Variants in AP1AR observed in about 807,000 individuals in gnomAD.
The protein encoded by AP1AR is adaptor related protein complex 1 associated regulatory protein, also known as AP-1 complex-associated regulatory protein.
Under a neutral mutation model 46.3 loss-of-function variants are expected in AP1AR, and 29 were observed. The observed-to-expected ratio is 0.63, with a 90% CI of 0.47 to 0.85. The LOEUF is 0.85. AP1AR is among the 40% of genes least tolerant of loss of function. The pLI, the probability that AP1AR is intolerant of heterozygous loss-of-function variation, is 0.00. For synonymous variants in AP1AR, 122 were observed against 122.9 expected, an observed-to-expected ratio of 0.99 and a Z score of 0.05; for missense variants, 357 against 356.3, an observed-to-expected ratio of 1.00 and a Z score of -0.02.
intron 8 of AP1AR, 97 bp downstream of exon 8, chr4:112,265,904 AAATTTGTAATTC>A: frequency 1.4e-6 from 1 of 732,100 alleles, no homozygotes; most frequent in South Asian, 2.0e-5. Flanking sequence ...TTCTGTTCTT[AAATTTGTAATTC>A]CCAGATAGGT....
chr4:112,266,784 C>A, intron 9 of AP1AR, 68 bp downstream of exon 9: 1 of 1,407,022 alleles, frequency 7.1e-7, no homozygotes, highest in Non-Finnish European at 9.5e-7. Flanking sequence ...GTAAATCTAC[C>A]TTGGTCTTTA....
In AP1AR at chr4:112,271,996, C is replaced by T. The variant is rs1018016767; in HGVS notation, c.*3587C>T. ...AACCAGAGAATAGTGTCACAGGAGC[C>T]AGGAAATAAGAGGGCTCAACAATAG... On this transcript the variant is annotated 3_prime_UTR_variant, in exon 10 of 10. Coordinates refer to ENST00000274000, the MANE Select transcript of AP1AR (RefSeq NM_018569.6). 6.6e-6 allele frequency among the ~76,000 whole-genome samples: 1 copy of T among 152,042 alleles called. No individual in the cohort carries two copies. The highest frequency in any genetic ancestry group is 6.6e-5 in the Admixed American group (1 of 15,258).
At chr4:112,264,081 T>C (rs1207681301) in intron 6 of AP1AR, among the ~76,000 whole-genome samples, 2 of 152,202 alleles carry the variant, frequency 1.3e-5, no homozygotes, top group Non-Finnish European at 2.9e-5. Flanking sequence ...CCTTCATTTT[T>C]TTCCCTCTCT....
intron 1 of AP1AR, among the ~76,000 whole-genome samples, chr4:112,252,018 G>T (rs1228400485): frequency 6.6e-6 from 1 of 152,094 alleles, no homozygotes; most frequent in East Asian, 1.9e-4. Context: ...GGGAGTCCCA[G>T]AATTACTTGA....
rs566256100 is a variant in AP1AR, at chr4:112,266,391, CA to C, written c.515-188del. Among the ~76,000 whole-genome samples the C allele has an allele frequency of 1.4e-3, 200 of 146,928 alleles. 1 individual carries two copies. The highest frequency in any genetic ancestry group is 4.8e-3 in the African/African-American group (192 of 40,136). On this transcript the variant is annotated intron_variant, in intron 8 of 9. Transcript: ENST00000274000. The stretch of plus-strand genomic sequence containing the variant: ...TTGCATGTTTGCTATGCTTAGATGG[CA>C]AAAAAAAAGAGAGAAAAGTTTCTTT...
chr4:112,244,737 A>G (rs1004001150), intron 1 of AP1AR, among the ~76,000 whole-genome samples: 2 of 152,014 alleles, frequency 1.3e-5, no homozygotes, highest in East Asian at 3.9e-4. Flanking sequence ...TACTCTTGCC[A>G]TTTTCTGTTG....
At chr4:112,259,678 A>G (rs1241420252) in intron 4 of AP1AR, among the ~76,000 whole-genome samples, 1 of 152,182 alleles carries the variant, frequency 6.6e-6, no homozygotes, top group Non-Finnish European at 1.5e-5. Context: ...GTGCAAACAG[A>G]CAAAAGGAAT....
rs1726874333 is a variant in AP1AR, at chr4:112,269,755, T to A, written c.*1346T>A. ...ATCTCCTTTTTTATGTCATAGAAAT[T>A]AATATGATACTTTAAATATGTAAAT... On this transcript the variant is annotated 3_prime_UTR_variant, in exon 10 of 10. Coordinates refer to ENST00000274000, the MANE Select transcript of AP1AR (RefSeq NM_018569.6). The A allele has an allele frequency of 6.6e-6, 1 of 152,456 alleles. No individual in the cohort carries two copies. The highest frequency in any genetic ancestry group is 1.5e-5 in the Non-Finnish European group (1 of 67,926). The allele number at this position is 152,456 out of a possible 1,614,324, so 9.4% of individuals were successfully genotyped here. A position where few individuals can be genotyped will look rare whatever the true frequency, so the allele number is the denominator to read the frequency against.
chr4:112,242,458 A>G (rs1281186441), intron 1 of AP1AR, among the ~76,000 whole-genome samples: 1 of 149,490 alleles, frequency 6.7e-6, no homozygotes, highest in Admixed American at 6.6e-5. Flanking sequence ...AAAAGAAAAA[A>G]AAAGCTTACT....
At chr4:112,261,106 A>T (rs1726423198) in intron 5 of AP1AR, among the ~76,000 whole-genome samples, 1 of 152,206 alleles carries the variant, frequency 6.6e-6, no homozygotes, top group Non-Finnish European at 1.5e-5. Context: ...CTTAATTCAC[A>T]AAGTAGGAAC....
chr4:112,242,862 A>G (rs1725569519), intron 1 of AP1AR, among the ~76,000 whole-genome samples: 1 of 152,234 alleles, frequency 6.6e-6, no homozygotes, highest in Non-Finnish European at 1.5e-5. Context: ...ACTTTACTTC[A>G]TTTAGAGACA....
intron 7 of AP1AR, 167 bp downstream of exon 7, chr4:112,265,234 G>T: frequency 1.9e-6 from 1 of 537,404 alleles, no homozygotes. Context: ...GAACATTTAA[G>T]TTGAAACATT....
rs963335371 is a variant in AP1AR, at chr4:112,272,292, G to A, written c.*3883G>A. Among the ~76,000 whole-genome samples, 8 of 152,136 alleles carry A rather than the reference G, an allele frequency of 5.3e-5. No individual in the cohort carries two copies. Among genetic ancestry groups the A allele is most frequent in the Non-Finnish European group, 5.9e-5 (4 of 68,026 alleles). On this transcript the variant is annotated 3_prime_UTR_variant, in exon 10 of 10. Transcript: ENST00000274000. ...CTGTGAGGGCTGGTGACAGGGAAGG[G>A]AAAATCTAACAGGAGACATCTTGAG... is the stretch of plus-strand genomic sequence containing the variant.
intron 1 of AP1AR, among the ~76,000 whole-genome samples, chr4:112,246,746 CAAAG>C (rs1333879673): frequency 6.6e-6 from 1 of 152,132 alleles, no homozygotes; most frequent in African/African-American, 2.4e-5. Flanking sequence ...AGATTCAGAA[CAAAG>C]AAAGTTAATT....
intron 1 of AP1AR, among the ~76,000 whole-genome samples, chr4:112,247,691 C>T (rs1426231961): frequency 1.3e-5 from 2 of 152,214 alleles, no homozygotes; most frequent in African/African-American, 2.4e-5. Context: ...ATCATTTCTT[C>T]GCTCTACTAT....
At chr4:112,249,516 G>A (rs1156343282) in intron 1 of AP1AR, among the ~76,000 whole-genome samples, 2 of 151,876 alleles carry the variant, frequency 1.3e-5, no homozygotes, top group African/African-American at 4.8e-5. Context: ...AATTAGCCGG[G>A]TGTGGTGGTG....
In AP1AR at chr4:112,261,050, T is replaced by C. The variant is rs111852570; in HGVS notation, c.282+188T>C. On this transcript the variant is annotated intron_variant, in intron 5 of 9. Transcript: ENST00000274000. ...GTTTGGCTTAATTTATCAGAAATCA[T>C]ATGCTGCCAAAAAATGGAGATAGTA... 3.4e-3 allele frequency among the ~76,000 whole-genome samples: 520 copies of C among 152,338 alleles called. 3 individuals carry two copies. The highest frequency in any genetic ancestry group is 0.012 in the African/African-American group (492 of 41,586).
At position 112,270,444 on chromosome 4, in the gene AP1AR, GGA is replaced by G. The variant is rs1726905285; in HGVS notation, c.*2043_*2044del. Among the ~76,000 whole-genome samples the G allele has an allele frequency of 1.3e-5, 2 of 152,158 alleles. No individual in the cohort carries two copies. Among genetic ancestry groups the G allele is most frequent in the South Asian group, 4.1e-4 (2 of 4,830 alleles). Reference sequence around the variant, plus strand: ...CAGTTAGAAAATATACAAGATTATAGGAGAGAGAGTAACTGGGGGCCAATTGA... The same window carrying G: ...CAGTTAGAAAATATACAAGATTATAGGAGAGAGTAACTGGGGGCCAATTGA... On this transcript the variant is annotated 3_prime_UTR_variant, in exon 10 of 10. Coordinates refer to ENST00000274000, the MANE Select transcript of AP1AR (RefSeq NM_018569.6).
At chr4:112,233,651 A>G (rs1725116860) in intron 1 of AP1AR, among the ~76,000 whole-genome samples, 1 of 152,194 alleles carries the variant, frequency 6.6e-6, no homozygotes, top group East Asian at 1.9e-4. Flanking sequence ...AAAACTTTAT[A>G]TTTGACTTTG....
Sources: gnomAD v4.1 joint callset for allele counts (sites outside exome capture counted in the v4.1 genomes callset) on GRCh38, gnomAD v4.1.1 for gene constraint, MANE v1.5 for transcripts, NCBI Gene and HGNC (gene_info 2026-07-23, HGNC 2026-07-21) for gene names.